TXNL4A: variants seen among roughly 807,000 people sequenced by gnomAD.
The protein encoded by TXNL4A is thioredoxin like 4A.
TXNL4A carries 17 observed loss-of-function variants against 14.6 expected under a neutral mutation model. The observed-to-expected ratio is 1.16, with a 90% CI of 0.80 to 1.74. TXNL4A has a LOEUF of 1.74. TXNL4A is among the 40% of genes most tolerant of loss of function. TXNL4A has a pLI of 0.00. For missense variants in TXNL4A, 74 were observed against 195.2 expected, an observed-to-expected ratio of 0.38 and a Z score of 3.70; for synonymous variants, 83 against 70.6, an observed-to-expected ratio of 1.18 and a Z score of -0.88.
intron 1 of TXNL4A, among the ~76,000 whole-genome samples, chr18:80,014,662 C>T (rs188445704): frequency 3.9e-5 from 6 of 152,224 alleles, no homozygotes; most frequent in South Asian, 2.1e-4. Flanking sequence ...TCCAGGTAGA[C>T]GGTGCAAACT....
At chr18:79,995,908 T>C (rs1046563029) in intron 1 of TXNL4A, among the ~76,000 whole-genome samples, 10 of 151,718 alleles carry the variant, frequency 6.6e-5, no homozygotes, top group Non-Finnish European at 1.5e-4. Context: ...CGAGACCATC[T>C]TGGCTAACAT....
chr18:79,979,027 T>A (rs1462596949), intron 1 of TXNL4A, among the ~76,000 whole-genome samples: 2 of 151,882 alleles, frequency 1.3e-5, no homozygotes, highest in Non-Finnish European at 2.9e-5. Context: ...AACCTCCACC[T>A]CCCAGGTTCA....
rs933626425 is a variant in TXNL4A at position 79,972,305 on chromosome 18, G to A, written c.*1380C>T. 1 of 152,264 alleles carries A rather than the reference G, an allele frequency of 6.6e-6. No individual in the cohort carries two copies. Among genetic ancestry groups the A allele is most frequent in the African/African-American group, 2.4e-5 (1 of 41,444 alleles). The allele number at this position is 152,264 out of a possible 1,614,324, so 9.4% of individuals were successfully genotyped here. A position where few individuals can be genotyped will look rare whatever the true frequency, so the allele number is the denominator to read the frequency against. On this transcript the variant is annotated 3_prime_UTR_variant, in exon 3 of 3. Transcript: ENST00000269601. ...TGGTGGGGCAGAGCCTGGGTCTGAG[G>A]TCAGAGGGCCCACGGTGTGCTCAAG...
At chr18:80,002,213 T>C (rs1055431226) in intron 1 of TXNL4A, among the ~76,000 whole-genome samples, 10 of 152,294 alleles carry the variant, frequency 6.6e-5, no homozygotes, top group South Asian at 6.2e-4. Flanking sequence ...TCACAAAACA[T>C]GCAAACAGTA....
intron 1 of TXNL4A, among the ~76,000 whole-genome samples, chr18:80,008,164 G>A (rs2051745158): frequency 6.6e-6 from 1 of 152,190 alleles, no homozygotes; most frequent in African/African-American, 2.4e-5. Context: ...TTTTCCGGGT[G>A]TTATGAGTGT....
chr18:80,017,531 C>T (rs972763663), intron 1 of TXNL4A, among the ~76,000 whole-genome samples: 2 of 151,600 alleles, frequency 1.3e-5, no homozygotes, highest in South Asian at 2.1e-4. Flanking sequence ...TTTTGAGATA[C>T]GTCCCATCAA....
At chr18:80,028,178 A>C (rs1275387424) in intron 1 of TXNL4A, among the ~76,000 whole-genome samples, 2 of 149,234 alleles carry the variant, frequency 1.3e-5, no homozygotes, top group African/African-American at 5.0e-5. Context: ...TCAGAGGCCT[A>C]TAGGCTATTT....
At chr18:79,984,742 G>C (rs888352982) in intron 1 of TXNL4A, among the ~76,000 whole-genome samples, 2 of 152,234 alleles carry the variant, frequency 1.3e-5, no homozygotes, top group Non-Finnish European at 2.9e-5. Flanking sequence ...CCTGAGTAGT[G>C]GGGTTACAGG....
chr18:80,010,446 T>C (rs776663378), intron 1 of TXNL4A, among the ~76,000 whole-genome samples: 1 of 152,094 alleles, frequency 6.6e-6, no homozygotes, highest in Non-Finnish European at 1.5e-5. Context: ...CAGGACCTAT[T>C]AGGAGCTGAA....
At position 79,993,920 on chromosome 18, in the gene TXNL4A, G is replaced by A. The variant is rs1433640526; in HGVS notation, c.-60-16219C>T. On this transcript the variant is annotated intron_variant, in intron 1 of 2. Transcript: ENST00000585474. The surrounding 1 kb of genome is among the most constrained non-coding windows in gnomAD (Gnocchi z 4.4). ...CTGGAGCCCCTGACACACTTTACCAGGTAGCCGCGACAAGCGTGGACTGAA... is the reference window on the plus strand; with the variant it reads ...CTGGAGCCCCTGACACACTTTACCAAGTAGCCGCGACAAGCGTGGACTGAA... Among the ~76,000 whole-genome samples the A allele has an allele frequency of 3.9e-5, 6 of 152,292 alleles. No individual in the cohort carries two copies. The East Asian group carries it at 1.2e-3, about 29-fold the overall frequency.
intron 1 of TXNL4A, among the ~76,000 whole-genome samples, chr18:80,017,307 A>G (rs1406244648): frequency 6.6e-6 from 1 of 152,224 alleles, no homozygotes; most frequent in Non-Finnish European, 1.5e-5. Flanking sequence ...GTCATCTGCA[A>G]ACAGGGACAA....
At chr18:80,030,262 G>A (rs2051912526) in intron 1 of TXNL4A, among the ~76,000 whole-genome samples, 2 of 152,152 alleles carry the variant, frequency 1.3e-5, no homozygotes, top group African/African-American at 4.8e-5. Flanking sequence ...TATGTTTACT[G>A]CACAATAACC....
intron 1 of TXNL4A, among the ~76,000 whole-genome samples, chr18:79,985,279 A>G (rs2051529835): frequency 6.6e-6 from 1 of 151,796 alleles, no homozygotes; most frequent in African/African-American, 2.4e-5. Flanking sequence ...TTTTTGAGAC[A>G]GGGTCTCGCT....
intron 1 of TXNL4A, among the ~76,000 whole-genome samples, chr18:79,980,363 C>A (rs1439516823): frequency 6.6e-6 from 1 of 152,178 alleles, no homozygotes; most frequent in Non-Finnish European, 1.5e-5. Flanking sequence ...GGGATATGCA[C>A]AACATTTCTT....
chr18:80,029,816 AC>A (rs1341330422), intron 1 of TXNL4A, among the ~76,000 whole-genome samples: 1 of 151,894 alleles, frequency 6.6e-6, no homozygotes, highest in East Asian at 1.9e-4. Flanking sequence ...AACATAATCA[AC>A]CCAACTTTTC....
intron 1 of TXNL4A, among the ~76,000 whole-genome samples, chr18:80,018,458 T>C (rs979263394): frequency 1.3e-5 from 2 of 152,070 alleles, no homozygotes; most frequent in Non-Finnish European, 2.9e-5. Flanking sequence ...ATTCAAAAGC[T>C]AGCAGAAGGC....
chr18:80,008,155 T>C (rs1246286776), intron 1 of TXNL4A, among the ~76,000 whole-genome samples: 2 of 152,150 alleles, frequency 1.3e-5, no homozygotes, highest in Admixed American at 1.3e-4. Context: ...AAAAAATGTT[T>C]TTCCGGGTGT....
At position 80,011,930 on chromosome 18, in the gene TXNL4A, T is replaced by G. The variant is rs927564384; in HGVS notation, c.-61+21921A>C. On this transcript the variant is annotated intron_variant, in intron 1 of 2. Transcript: ENST00000585474. The surrounding 1 kb of genome is among the most constrained non-coding windows in gnomAD (Gnocchi z 4.1). ...CGAGACTGCTAAACATCTTATTGAG[T>G]GACTAACGAGTTCTCCTTCACTGAT... 2.6e-5 allele frequency among the ~76,000 whole-genome samples: 4 copies of G among 152,142 alleles called. No individual in the cohort carries two copies. Among genetic ancestry groups the G allele is most frequent in the Admixed American group, 6.5e-5 (1 of 15,270 alleles).
At chr18:80,002,916 C>T (rs1325733995) in intron 1 of TXNL4A, among the ~76,000 whole-genome samples, 2 of 152,334 alleles carry the variant, frequency 1.3e-5, no homozygotes, top group Middle Eastern at 3.4e-3. Context: ...CATCGGTAGA[C>T]CCTCTTGAAC....
Sources: allele counts gnomAD v4.1 joint callset (sites outside exome capture counted in the v4.1 genomes callset), GRCh38; gene constraint gnomAD v4.1.1; non-coding constraint Gnocchi (gnomAD v3.1); transcripts MANE v1.5; gene names NCBI Gene and HGNC (gene_info 2026-07-23, HGNC 2026-07-21).